ZSCAN5A: variants seen among roughly 807,000 people sequenced by gnomAD.
The protein encoded by ZSCAN5A is zinc finger and SCAN domain-containing protein 5A.
A neutral mutation model predicts 23.7 loss-of-function variants in ZSCAN5A; 12 were observed. The ratio of observed to expected loss-of-function variants is 0.51; its 90% confidence interval spans 0.32 to 0.82. The LOEUF (loss-of-function observed/expected upper bound fraction) is 0.82, where lower values mean the gene tolerates loss of function less well. ZSCAN5A is among the 40% of genes least tolerant of loss of function. The pLI is 0.03. For missense variants in ZSCAN5A, 597 were observed against 617.9 expected (o/e 0.97, Z 0.36); for synonymous variants, 257 against 239.9 (o/e 1.07, Z -0.66).
intron 2 of ZSCAN5A, among the ~76,000 whole-genome samples, chr19:56,302,571 T>TCTTCCTCTCCC (rs1390574819): frequency 1.6e-5 from 1 of 63,266 alleles, no homozygotes; most frequent in East Asian, 6.0e-4. Context: ...CCCCTTCCTT[T>TCTTCCTCTCCC]TCTTCCTCCC....
intron 4 of ZSCAN5A, among the ~76,000 whole-genome samples, chr19:56,223,076 G>C (rs1411876272): frequency 3.3e-5 from 5 of 152,116 alleles, no homozygotes; most frequent in Admixed American, 6.5e-5. Flanking sequence ...CCCCTCAGCT[G>C]TGGCACCACT....
At chr19:56,331,522 T>C (rs1174932687) in intron 2 of ZSCAN5A, among the ~76,000 whole-genome samples, 1 of 151,214 alleles carries the variant, frequency 6.6e-6, no homozygotes, top group African/African-American at 2.4e-5. Flanking sequence ...CCTTCTTGGT[T>C]ATATATAGTC....
chr19:56,234,553 G>A (rs1911749238), intron 2 of ZSCAN5A, among the ~76,000 whole-genome samples: 2 of 150,860 alleles, frequency 1.3e-5, no homozygotes, highest in South Asian at 2.1e-4. Flanking sequence ...CGCCAGGCCC[G>A]AAACCAGGCC....
At chr19:56,274,004 A>G (rs1350839602) in intron 2 of ZSCAN5A, among the ~76,000 whole-genome samples, 1 of 152,158 alleles carries the variant, frequency 6.6e-6, no homozygotes, top group Non-Finnish European at 1.5e-5. Context: ...GATGGGGATA[A>G]GTAGAAGGTT....
At chr19:56,305,140 C>A (rs985505292) in intron 2 of ZSCAN5A, among the ~76,000 whole-genome samples, 10 of 152,150 alleles carry the variant, frequency 6.6e-5, no homozygotes, top group Admixed American at 5.9e-4. Context: ...ATAAAATTAA[C>A]CATTAGTGAC....
chr19:56,265,577 C>T (rs1243029528), intron 2 of ZSCAN5A, among the ~76,000 whole-genome samples: 1 of 151,640 alleles, frequency 6.6e-6, no homozygotes, highest in South Asian at 2.1e-4. Context: ...GTTCCAGTGG[C>T]AGAAACGGAC....
chr19:56,312,545 T>A (rs769670152), intron 2 of ZSCAN5A: 7 of 152,258 alleles, frequency 4.6e-5, no homozygotes, highest in Non-Finnish European at 8.8e-5. Context: ...GTGTCCCACA[T>A]GTGACCCCAG....
chr19:56,305,975 G>A (rs1200252406), intron 2 of ZSCAN5A, among the ~76,000 whole-genome samples: 4 of 148,586 alleles, frequency 2.7e-5, no homozygotes, highest in South Asian at 4.5e-4. Context: ...GGGGGCAGGA[G>A]AAGGGGGAGG....
chr19:56,321,199 T>C, intron 2 of ZSCAN5A: 1 of 663,822 alleles, frequency 1.5e-6, no homozygotes, highest in South Asian at 1.5e-5. Flanking sequence ...AAAATGAAGT[T>C]AATATCTTCT....
rs979767735 is a variant in ZSCAN5A at position 56,247,932 on chromosome 19, C to T, written c.-127-22759G>A. On this transcript the variant is annotated intron_variant, in intron 2 of 5. Coordinates refer to ENST00000683990, the MANE Select transcript of ZSCAN5A (RefSeq NM_001322064.3). ...GTCTCGATCTCCTGACCTCGTGATCCGCCCGCCTCACCCTCCCAAAGTGCT... is the reference window on the plus strand; with the variant it reads ...GTCTCGATCTCCTGACCTCGTGATCTGCCCGCCTCACCCTCCCAAAGTGCT... 5.5e-4 allele frequency among the ~76,000 whole-genome samples: 83 copies of T among 152,160 alleles called. 1 individual carries two copies. Among genetic ancestry groups the T allele is most frequent in the South Asian group, 2.1e-4 (1 of 4,830 alleles).
chr19:56,294,849 C>G (rs1453645273), intron 2 of ZSCAN5A, among the ~76,000 whole-genome samples: 1 of 152,214 alleles, frequency 6.6e-6, no homozygotes. Flanking sequence ...GCCTTGAAAA[C>G]ACAGTGCTCA....
At chr19:56,292,681 C>T (rs2039598722) in intron 2 of ZSCAN5A, among the ~76,000 whole-genome samples, 1 of 151,820 alleles carries the variant, frequency 6.6e-6, no homozygotes, top group East Asian at 1.9e-4. Flanking sequence ...TAATCACTGC[C>T]CCACCAAAAA....
intron 2 of ZSCAN5A, among the ~76,000 whole-genome samples, chr19:56,291,124 G>A (rs1032090646): frequency 6.6e-6 from 1 of 152,134 alleles, no homozygotes. Context: ...TCACGTCCCC[G>A]AGCTCACAGG....
intron 2 of ZSCAN5A, among the ~76,000 whole-genome samples, chr19:56,254,426 G>A (rs1211312591): frequency 6.6e-6 from 1 of 152,160 alleles, no homozygotes; most frequent in East Asian, 1.9e-4. Flanking sequence ...TTTGTAGCAT[G>A]TGTCACAATG....
chr19:56,267,763 A>G (rs1243725558), intron 2 of ZSCAN5A, among the ~76,000 whole-genome samples: 1 of 152,206 alleles, frequency 6.6e-6, no homozygotes, highest in Non-Finnish European at 1.5e-5. Flanking sequence ...CTATAAAATG[A>G]CGCTAATAAC....
At chr19:56,292,665 A>G (rs541619456) in intron 2 of ZSCAN5A, among the ~76,000 whole-genome samples, 3 of 152,000 alleles carry the variant, frequency 2.0e-5, no homozygotes, top group African/African-American at 7.2e-5. Context: ...TGACTCCAGA[A>G]CTTTATAATC....
chr19:56,222,042 C>T lies in ZSCAN5A; in HGVS notation c.1024G>A (p.Val342Ile). 1 of 1,614,010 alleles carries T rather than the reference C, an allele frequency of 6.2e-7. No individual in the cohort carries two copies. Among genetic ancestry groups the T allele is most frequent in the African/African-American group, 1.3e-5 (1 of 75,048 alleles). ...GCTTCTTGGCCATCCGGGTGACTGA[C>T]TGGGCTCGCAGGGCCTGGGGAATGA... ...SIHSPGPASP[V>I]SHPDGQEAKA... Residue 342 changes from valine to isoleucine, a missense_variant, in exon 6 of 6, where the codon GTC (valine) becomes ATC (isoleucine). Val to Ile is a conservative substitution (Grantham distance 29). Coordinates refer to ENST00000683990, the MANE Select transcript of ZSCAN5A (RefSeq NM_001322064.3).
At chr19:56,281,017 T>A (rs2038655364) in intron 2 of ZSCAN5A, among the ~76,000 whole-genome samples, 1 of 152,240 alleles carries the variant, frequency 6.6e-6, no homozygotes, top group African/African-American at 2.4e-5. Flanking sequence ...ACGAATAGCC[T>A]ACTGTTGACC....
Position 56,221,880 on chromosome 19 carries a change from G to A in ZSCAN5A, c.1186C>T (p.Leu396Phe), listed in dbSNP as rs755854941. 6.2e-7 allele frequency: 1 copy of A among 1,614,144 alleles called. No individual in the cohort carries two copies. Among genetic ancestry groups the A allele is most frequent in the South Asian group, 1.1e-5 (1 of 91,070 alleles). ...CGCTGGTGAAATTGGAGGCTAATAA[G>A]CTGCATGAAGCGCTTCCCACAGAGA... ...CNLCGKRFMQ[L>F]ISLQFHQRTH... is the part of the protein sequence containing the mutation. The change falls in exon 6 of 6, where the codon CTT becomes TTT. Residue 396 changes from leucine to phenylalanine, a missense_variant. By Grantham distance (22) the Leu-to-Phe change is conservative. This residue lies in a region of ZSCAN5A where 406 missense variants were observed against 353.2 expected (regional missense o/e 1.15). Transcript: ENST00000683990.
Sources: allele counts gnomAD v4.1 joint callset (sites outside exome capture counted in the v4.1 genomes callset), GRCh38; gene constraint gnomAD v4.1.1; regional missense constraint gnomAD v4.1.1; transcripts MANE v1.5; gene names NCBI Gene and HGNC (gene_info 2026-07-23, HGNC 2026-07-21).